The following OR6N1 variants were observed in gnomAD, a reference collection of about 807,000 sequenced individuals.
OR6N1 encodes olfactory receptor 6N1.
For synonymous variants in OR6N1, 170 were observed against 150.7 expected, an observed-to-expected ratio of 1.13 and a Z score of -0.94; for missense variants, 394 against 371.7, an observed-to-expected ratio of 1.06 and a Z score of -0.49.
At chr1:158,825,541 T>C in the OR6N1 span, among the ~76,000 whole-genome samples, 2 of 151,704 alleles carry the variant, frequency 1.3e-5, no homozygotes, top group Non-Finnish European at 2.9e-5. Context: ...ACATCACTAA[T>C]AATTAGAGAA....
chr1:158,781,869 C>T, the OR6N1 span, among the ~76,000 whole-genome samples: 1 of 152,220 alleles, frequency 6.6e-6, no homozygotes, highest in Non-Finnish European at 1.5e-5. Flanking sequence ...GCACAGTCTT[C>T]ACAATTACTC....
chr1:158,774,593 A>G (rs1657533623), upstream of OR6N1: 1 of 152,206 alleles, frequency 6.6e-6, no homozygotes, highest in Non-Finnish European at 1.5e-5. Flanking sequence ...TGACCTAGCA[A>G]TCCTATACTT....
At chr1:158,803,872 G>A in the OR6N1 span, among the ~76,000 whole-genome samples, 523 of 152,320 alleles carry the variant, frequency 3.4e-3, 5 homozygotes, top group African/African-American at 0.012. Context: ...TCAGTAAAGA[G>A]TGCTTACTTG....
chr1:158,787,136 T>C, the OR6N1 span, among the ~76,000 whole-genome samples: 1 of 152,062 alleles, frequency 6.6e-6, no homozygotes, highest in Non-Finnish European at 1.5e-5. Context: ...TTCTCCATAG[T>C]GTGTTTTTGT....
chr1:158,765,228 TTAAG>T lies in OR6N1; in HGVS notation c.*512_*515del, dbSNP rs1335539219. ...GAGATGCTAAGTTACTTTCTAAAGA[TTAAG>T]TAATTAGCAAGTGACTGAATAAAAC... On this transcript the variant is annotated 3_prime_UTR_variant, in exon 2 of 2. Transcript: ENST00000641846. 2 of 152,206 alleles carry T rather than the reference TTAAG, an allele frequency of 1.3e-5. No individual in the cohort carries two copies. Among genetic ancestry groups the T allele is most frequent in the Non-Finnish European group, 2.9e-5 (2 of 68,080 alleles). The allele number at this position is 152,206 out of a possible 1,614,324, so 9.4% of individuals were successfully genotyped here. A position where few individuals can be genotyped will look rare whatever the true frequency, so the allele number is the denominator to read the frequency against.
the OR6N1 span, among the ~76,000 whole-genome samples, chr1:158,827,107 C>A: frequency 1.3e-5 from 2 of 152,130 alleles, no homozygotes; most frequent in Non-Finnish European, 2.9e-5. Flanking sequence ...AGGAAATTTA[C>A]AAGAAGATTT....
upstream of OR6N1, chr1:158,775,428 A>G (rs1016054762): frequency 5.9e-5 from 9 of 152,216 alleles, no homozygotes; most frequent in African/African-American, 2.2e-4. Context: ...GAGTAGAGGT[A>G]TGAATCTATG....
At position 158,764,984 on chromosome 1, in the gene OR6N1, G is replaced by C. The variant is rs1303116653; in HGVS notation, c.*760C>G. 1 of 151,902 alleles carries C rather than the reference G, an allele frequency of 6.6e-6. No individual in the cohort carries two copies. Among genetic ancestry groups the C allele is most frequent in the Non-Finnish European group, 1.5e-5 (1 of 67,952 alleles). The allele number at this position is 151,902 out of a possible 1,614,324, so 9.4% of individuals were successfully genotyped here. Reference sequence around the variant, plus strand: ...TCCTTTCCTTTGGAGAAAATACTTGGAAAGTATTTTTGTTTATTTATGTTT... The same window carrying C: ...TCCTTTCCTTTGGAGAAAATACTTGCAAAGTATTTTTGTTTATTTATGTTT... On this transcript the variant is annotated 3_prime_UTR_variant, in exon 2 of 2. Coordinates refer to ENST00000641846, the MANE Select transcript of OR6N1 (RefSeq NM_001005185.2).
the OR6N1 span, among the ~76,000 whole-genome samples, chr1:158,801,240 G>A: frequency 1.3e-4 from 20 of 152,004 alleles, no homozygotes; most frequent in African/African-American, 4.6e-4. Context: ...TGGGGGTGGC[G>A]GTGGGGAGAG....
At chr1:158,799,719 C>G in the OR6N1 span, among the ~76,000 whole-genome samples, 2 of 152,074 alleles carry the variant, frequency 1.3e-5, no homozygotes, top group Admixed American at 1.3e-4. Flanking sequence ...CAAAATTAAG[C>G]GACATCATGG....
the OR6N1 span, among the ~76,000 whole-genome samples, chr1:158,837,176 G>A: frequency 1.3e-5 from 2 of 151,804 alleles, no homozygotes; most frequent in African/African-American, 2.4e-5. Context: ...TTCTACTGTT[G>A]TTGGCTTTAC....
chr1:158,807,751 T>C, the OR6N1 span, among the ~76,000 whole-genome samples: 12 of 152,194 alleles, frequency 7.9e-5, no homozygotes, highest in Non-Finnish European at 1.5e-4. Flanking sequence ...AATCTGCCAC[T>C]CCTAGCTTTA....
the OR6N1 span, among the ~76,000 whole-genome samples, chr1:158,835,547 A>G: frequency 7.2e-6 from 1 of 139,686 alleles, no homozygotes; most frequent in South Asian, 2.2e-4. Context: ...ACCAGTAAAG[A>G]GAGAGAATTT....
chr1:158,795,771 T>C, the OR6N1 span, among the ~76,000 whole-genome samples: 8 of 152,226 alleles, frequency 5.3e-5, no homozygotes, highest in Non-Finnish European at 1.0e-4. Context: ...ATGTGTGTCA[T>C]GACAGCGGTC....
At chr1:158,793,358 T>C in the OR6N1 span, among the ~76,000 whole-genome samples, 1 of 152,128 alleles carries the variant, frequency 6.6e-6, no homozygotes, top group Non-Finnish European at 1.5e-5. Context: ...TTTTTTTATA[T>C]TGCCATAATT....
At chr1:158,820,614 A>G in the OR6N1 span, among the ~76,000 whole-genome samples, 14 of 152,366 alleles carry the variant, frequency 9.2e-5, no homozygotes, top group African/African-American at 2.6e-4. Flanking sequence ...TCCTAAATCC[A>G]TAAGTATATC....
At chr1:158,802,804 C>T in the OR6N1 span, among the ~76,000 whole-genome samples, 1 of 152,162 alleles carries the variant, frequency 6.6e-6, no homozygotes, top group African/African-American at 2.4e-5. Flanking sequence ...ATTATCACTA[C>T]CATTATTATT....
chr1:158,835,450 T>C, the OR6N1 span, among the ~76,000 whole-genome samples: 2 of 152,138 alleles, frequency 1.3e-5, no homozygotes, highest in African/African-American at 4.8e-5. Flanking sequence ...TGTGTTGCCT[T>C]TGATTCCTGT....
At chr1:158,768,999 G>A (rs1340874364) in intron 1 of OR6N1, among the ~76,000 whole-genome samples, 1 of 152,060 alleles carries the variant, frequency 6.6e-6, no homozygotes, top group Non-Finnish European at 1.5e-5. Context: ...TGTATGTCAA[G>A]TGCCTAGAGC....
Sources: gnomAD v4.1 joint callset for allele counts (sites outside exome capture counted in the v4.1 genomes callset) on GRCh38, gnomAD v4.1.1 for gene constraint, MANE v1.5 for transcripts, NCBI Gene and HGNC (gene_info 2026-07-23, HGNC 2026-07-21) for gene names.